Variants in KCNQ1 observed in about 807,000 individuals in gnomAD.
KCNQ1 encodes the protein potassium voltage-gated channel subfamily Q member 1.
A neutral mutation model predicts 72.4 loss-of-function variants in KCNQ1; 49 were observed. The observed-to-expected ratio is 0.68, with a 90% confidence interval of 0.54 to 0.86. The LOEUF is 0.86. Ranked by LOEUF, KCNQ1 falls within the 40% of genes least tolerant of loss-of-function variation. The probability of loss-of-function intolerance (pLI) is 0.00; values close to 1 mark genes in which losing one functional copy is unlikely to be tolerated. For synonymous variants in KCNQ1, 450 were observed against 412.6 expected (o/e 1.09, Z -1.10); for missense variants, 790 against 945.1 (o/e 0.84, Z 2.15).
Position 2,679,626 on chromosome 11 carries a change from A to G in KCNQ1, c.1514+17545A>G. 2.5e-6 allele frequency: 1 copy of G among 398,652 alleles called. No individual in the cohort carries two copies. 24.7% of individuals were successfully genotyped at this position (398,652 alleles called of 1,614,324 possible). A position where few individuals can be genotyped will look rare whatever the true frequency, so the allele number is the denominator to read the frequency against. ...GCGAGTTGGAATGAATAGTATCAGC[A>G]TCAGAAAAAATACAAGTGCATCCTC... On this transcript the variant is annotated intron_variant, in intron 11 of 15. Coordinates refer to ENST00000155840, the MANE Select transcript of KCNQ1 (RefSeq NM_000218.3). The surrounding 1 kb of genome is among the most constrained non-coding windows in gnomAD (Gnocchi z 4.8).
At chr11:2,520,149 G>A (rs553752662) in intron 1 of KCNQ1, among the ~76,000 whole-genome samples, 12 of 152,220 alleles carry the variant, frequency 7.9e-5, no homozygotes, top group Non-Finnish European at 1.8e-4. Flanking sequence ...GTCTGGGCAC[G>A]TCCCATGCTG....
chr11:2,811,995 G>C (rs867825475), intron 15 of KCNQ1, among the ~76,000 whole-genome samples: 21 of 152,162 alleles, frequency 1.4e-4, no homozygotes, highest in South Asian at 1.0e-3. Context: ...AGCCCCACCG[G>C]CTGTGCCGCC....
rs1356222911 is a variant in KCNQ1 at position 2,565,881 on chromosome 11, C to T, written c.478-4747C>T. Among the ~76,000 whole-genome samples the T allele has an allele frequency of 6.6e-6, 1 of 152,224 alleles. No individual in the cohort carries two copies. The highest frequency in any genetic ancestry group is 1.5e-5 in the Non-Finnish European group (1 of 68,038). ...CTTTGTCCCAGGCCCTTCACTGGGT[C>T]TGGAGGAAGGAGGGTGCTGTGGTCC... On this transcript the variant is annotated intron_variant, in intron 2 of 15. Coordinates refer to ENST00000155840, the MANE Select transcript of KCNQ1 (RefSeq NM_000218.3). This position sits in a 1 kb window ranked among gnomAD's most constrained non-coding sequence, Gnocchi z 5.6.
At chr11:2,721,093 G>T (rs1433134023) in intron 11 of KCNQ1, among the ~76,000 whole-genome samples, 1 of 152,198 alleles carries the variant, frequency 6.6e-6, no homozygotes, top group East Asian at 1.9e-4. Flanking sequence ...TCTAAAAGGT[G>T]GGGAGGGGAT....
intron 15 of KCNQ1, among the ~76,000 whole-genome samples, chr11:2,839,081 C>T (rs961963350): frequency 3.3e-5 from 5 of 152,320 alleles, no homozygotes; most frequent in African/African-American, 9.6e-5. Context: ...CCCTGCCTGG[C>T]GTCTGCCGGC....
At chr11:2,791,716 G>C (rs1024947156) in intron 15 of KCNQ1, among the ~76,000 whole-genome samples, 2 of 152,030 alleles carry the variant, frequency 1.3e-5, no homozygotes, top group Non-Finnish European at 2.9e-5. Flanking sequence ...TGGGGGGCCC[G>C]GGCCTCCCGG....
intron 11 of KCNQ1, among the ~76,000 whole-genome samples, chr11:2,751,559 G>A (rs941449551): frequency 2.0e-5 from 3 of 152,272 alleles, no homozygotes; most frequent in Non-Finnish European, 4.4e-5. Flanking sequence ...ACTGCTGGTG[G>A]GCACCATCCC....
Position 2,778,023 on chromosome 11 carries a change from C to A in KCNQ1, c.1780C>A (p.Arg594=), listed in dbSNP as rs794728537. Residue 594 remains arginine, a synonymous_variant, in exon 15 of 16, where the codon CGA becomes AGA. Transcript: ENST00000155840. ...CAACACGATCGGCGCCCGCCTGAAC[C>A]GAGTAGAAGACAAGGTAGGCTCACG... ...GSNTIGARLN[R]VEDKVTQLDQ... is the part of the protein sequence containing the mutation. The A allele has an allele frequency of 1.2e-6, 2 of 1,613,736 alleles. No individual in the cohort carries two copies. Among genetic ancestry groups the A allele is most frequent in the East Asian group, 2.2e-5 (1 of 44,882 alleles).
At chr11:2,545,946 T>G (rs56271700) in intron 2 of KCNQ1, among the ~76,000 whole-genome samples, 9,617 of 152,322 alleles carry the variant, frequency 0.063, 395 homozygotes, top group Non-Finnish European at 0.091. Context: ...AGCAAATTTA[T>G]GGATCTCAAA....
At chr11:2,519,618 TCAAAAACAAAA>T (rs1847345994) in intron 1 of KCNQ1, among the ~76,000 whole-genome samples, 2 of 91,482 alleles carry the variant, frequency 2.2e-5, no homozygotes, top group South Asian at 3.1e-4. Context: ...AGACTCTGTC[TCAAAAACAAAA>T]CAAAACAAAA....
intron 10 of KCNQ1, among the ~76,000 whole-genome samples, chr11:2,589,105 G>A (rs1001309112): frequency 3.3e-5 from 5 of 152,330 alleles, no homozygotes; most frequent in Non-Finnish European, 7.4e-5. Context: ...GGGGTGGGTC[G>A]GCTCCATCCG....
intron 10 of KCNQ1, chr11:2,622,916 A>G (rs1849198957): frequency 2.5e-6 from 1 of 398,502 alleles, no homozygotes; most frequent in African/African-American, 2.1e-5. Context: ...ATTAGGGCTC[A>G]CTGTTGGGGT....
intron 10 of KCNQ1, chr11:2,640,956 T>A: frequency 2.5e-6 from 1 of 398,890 alleles, no homozygotes; most frequent in Non-Finnish European, 4.4e-6. Context: ...CTTAAAATAA[T>A]GACCTCCAGC....
At chr11:2,558,917 G>A (rs1177621613) in intron 2 of KCNQ1, among the ~76,000 whole-genome samples, 1 of 152,106 alleles carries the variant, frequency 6.6e-6, no homozygotes, top group African/African-American at 2.4e-5. Flanking sequence ...TCCTTTCTTA[G>A]CTAACCCCTC....
In KCNQ1 at chr11:2,484,827, A is replaced by G. The variant is rs1279888633; in HGVS notation, c.386+39343A>G. On this transcript the variant is annotated intron_variant, in intron 1 of 15. Coordinates refer to ENST00000155840, the MANE Select transcript of KCNQ1 (RefSeq NM_000218.3). This position sits in a 1 kb window ranked among gnomAD's most constrained non-coding sequence, Gnocchi z 5.2. ...TGTTCATCTGCAGATATATTCATAC[A>G]TGAGTGGGCTCATACTGTCTCCAAC... Among the ~76,000 whole-genome samples, 1 of 152,166 alleles carries G rather than the reference A, an allele frequency of 6.6e-6. No homozygotes were observed. Among genetic ancestry groups the G allele is most frequent in the Admixed American group, 6.5e-5 (1 of 15,288 alleles).
Position 2,827,364 on chromosome 11 carries a change from A to G in KCNQ1, c.1795-20403A>G, listed in dbSNP as rs1847860047. On this transcript the variant is annotated intron_variant, in intron 15 of 15. Coordinates refer to ENST00000155840, the MANE Select transcript of KCNQ1 (RefSeq NM_000218.3). The surrounding 1 kb of genome is among the most constrained non-coding windows in gnomAD (Gnocchi z 6.7). ...CTGCTTGCTTTCCTGTCCACAATCCAGTGCTTCTGTCCTATGGTCCCCAGC... is the reference window on the plus strand; with the variant it reads ...CTGCTTGCTTTCCTGTCCACAATCCGGTGCTTCTGTCCTATGGTCCCCAGC... 2.0e-5 allele frequency among the ~76,000 whole-genome samples: 3 copies of G among 152,102 alleles called. No individual in the cohort carries two copies. The highest frequency in any genetic ancestry group is 2.0e-4 in the Admixed American group (3 of 15,270).
intron 15 of KCNQ1, among the ~76,000 whole-genome samples, chr11:2,837,741 G>A (rs1848105263): frequency 1.3e-5 from 2 of 152,218 alleles, no homozygotes; most frequent in African/African-American, 2.4e-5. Flanking sequence ...AAGGAGAGGG[G>A]TGGATGCTCC....
intron 15 of KCNQ1, among the ~76,000 whole-genome samples, chr11:2,819,744 A>G (rs1021644344): frequency 6.6e-6 from 1 of 152,178 alleles, no homozygotes; most frequent in Admixed American, 6.5e-5. Context: ...ATCACCCCCA[A>G]AAACTAGACT....
intron 7 of KCNQ1, among the ~76,000 whole-genome samples, chr11:2,584,416 TG>T (rs56750705): frequency 1.5e-5 from 2 of 136,518 alleles, no homozygotes; most frequent in African/African-American, 3.7e-5. Context: ...TGTGTTTCTG[TG>T]TTAGTGTGTG....
Sources: gnomAD v4.1 joint callset for allele counts (sites outside exome capture counted in the v4.1 genomes callset) on GRCh38, gnomAD v4.1.1 for gene constraint, Gnocchi (gnomAD v3.1) non-coding constraint, MANE v1.5 for transcripts, NCBI Gene and HGNC (gene_info 2026-07-23, HGNC 2026-07-21) for gene names.